The following WWOX variants were observed in gnomAD, a reference collection of about 807,000 sequenced individuals.
WWOX encodes WW domain-containing oxidoreductase.
Under a neutral mutation model 46.2 loss-of-function variants are expected in WWOX, and 69 were observed. That is an observed-to-expected ratio of 1.49 (90% CI 1.23 to 1.82). The LOEUF is 1.82. WWOX is among the 40% of genes most tolerant of loss of function. WWOX has a pLI of 0.00. For missense variants in WWOX, 919 were observed against 542.6 expected, an observed-to-expected ratio of 1.69 and a Z score of -6.89; for synonymous variants, 359 against 202.6, an observed-to-expected ratio of 1.77 and a Z score of -6.56.
chr16:78,396,338 T>G (rs565508556), intron 6 of WWOX, among the ~76,000 whole-genome samples: 180 of 152,270 alleles, frequency 1.2e-3, no homozygotes, highest in African/African-American at 4.2e-3. Flanking sequence ...TTTGCCATAT[T>G]AAAAGTCATC....
intron 8 of WWOX, among the ~76,000 whole-genome samples, chr16:78,929,418 T>G (rs1018299620): frequency 6.6e-6 from 1 of 152,032 alleles, no homozygotes; most frequent in African/African-American, 2.4e-5. Context: ...TACTAAAGAA[T>G]AGGAAAGAAG....
At chr16:79,107,712 C>T (rs2150647460) in intron 8 of WWOX, among the ~76,000 whole-genome samples, 1 of 152,344 alleles carries the variant, frequency 6.6e-6, no homozygotes, top group Non-Finnish European at 1.5e-5. Context: ...AAAATGTTCA[C>T]ATCCTTCCCC....
intron 8 of WWOX, among the ~76,000 whole-genome samples, chr16:78,497,878 C>T (rs1420994209): frequency 6.6e-6 from 1 of 151,268 alleles, no homozygotes; most frequent in Non-Finnish European, 1.5e-5. Flanking sequence ...TAAAAAAGCC[C>T]ACATTTTAAA....
At chr16:78,907,505 G>T (rs898239145) in intron 8 of WWOX, among the ~76,000 whole-genome samples, 1 of 152,054 alleles carries the variant, frequency 6.6e-6, no homozygotes, top group East Asian at 1.9e-4. Flanking sequence ...TTGGGGGTAG[G>T]GCCATTATCA....
At chr16:78,154,418 T>G (rs1597278407) in intron 4 of WWOX, among the ~76,000 whole-genome samples, 2 of 151,760 alleles carry the variant, frequency 1.3e-5, no homozygotes, top group Admixed American at 6.6e-5. Flanking sequence ...TTCGCTTGCT[T>G]CATGGAGCTT....
rs2081128763 is a variant in WWOX at position 78,348,370 on chromosome 16, G to A, written c.517-38490G>A. 2.5e-5 allele frequency among the ~76,000 whole-genome samples: 3 copies of A among 121,498 alleles called. 1 individual carries two copies. Among genetic ancestry groups the A allele is most frequent in the African/African-American group, 8.4e-5 (3 of 35,858 alleles). 79.7% of individuals were successfully genotyped at this position (121,498 alleles called of 152,430 possible). On this transcript the variant is annotated intron_variant, in intron 5 of 8. Coordinates refer to ENST00000566780, the MANE Select transcript of WWOX (RefSeq NM_016373.4). ...GAACCATCCCAGCAGATAGCTTGAG[G>A]GTGGGAAGGGGGATAGGTTGTTGAT...
At chr16:78,703,298 C>A (rs984934391) in intron 8 of WWOX, among the ~76,000 whole-genome samples, 1 of 152,166 alleles carries the variant, frequency 6.6e-6, no homozygotes, top group South Asian at 2.1e-4. Context: ...TCTCTCCCAT[C>A]TTTCCTGTGA....
At chr16:78,867,533 T>G (rs1039815329) in intron 8 of WWOX, among the ~76,000 whole-genome samples, 14 of 151,486 alleles carry the variant, frequency 9.2e-5, no homozygotes, top group South Asian at 8.4e-4. Context: ...TTTTGTTTTT[T>G]TGTGTGTGTG....
chr16:78,506,191 C>G (rs1486343851), intron 8 of WWOX, among the ~76,000 whole-genome samples: 1 of 152,178 alleles, frequency 6.6e-6, no homozygotes, highest in Non-Finnish European at 1.5e-5. Context: ...GGAGGCAGCC[C>G]TCCAAACATA....
At chr16:79,206,885 C>A (rs897173588) in intron 8 of WWOX, 7 of 152,208 alleles carry the variant, frequency 4.6e-5, no homozygotes, top group African/African-American at 1.7e-4. Context: ...AATGTGTCCC[C>A]TAAAAGATTG....
At chr16:78,209,032 G>T (rs752500509) in intron 5 of WWOX, among the ~76,000 whole-genome samples, 51 of 152,214 alleles carry the variant, frequency 3.4e-4, no homozygotes, top group Non-Finnish European at 6.8e-4. Flanking sequence ...GGGAATGCTT[G>T]TATTTGAATG....
intron 8 of WWOX, among the ~76,000 whole-genome samples, chr16:78,606,120 A>G (rs1431600252): frequency 6.6e-6 from 1 of 152,234 alleles, no homozygotes; most frequent in Non-Finnish European, 1.5e-5. Context: ...TCAAACTACT[A>G]GTCCACAACC....
intron 8 of WWOX, among the ~76,000 whole-genome samples, chr16:79,161,745 G>T (rs986231952): frequency 6.6e-6 from 1 of 152,102 alleles, no homozygotes; most frequent in South Asian, 2.1e-4. Flanking sequence ...TCTCAAACTC[G>T]TGACCTCAAG....
intron 5 of WWOX, among the ~76,000 whole-genome samples, chr16:78,251,253 G>A (rs554018326): frequency 3.9e-5 from 6 of 152,144 alleles, no homozygotes; most frequent in East Asian, 3.9e-4. Flanking sequence ...TTCAAAGGTC[G>A]TATTTCATGG....
At chr16:78,782,160 G>A (rs917756796) in intron 8 of WWOX, among the ~76,000 whole-genome samples, 4 of 151,976 alleles carry the variant, frequency 2.6e-5, no homozygotes, top group East Asian at 1.9e-4. Flanking sequence ...CAGCCTTCTC[G>A]CCTTGCCATC....
chr16:79,064,258 C>G (rs1326462727), intron 8 of WWOX, among the ~76,000 whole-genome samples: 1 of 152,236 alleles, frequency 6.6e-6, no homozygotes, highest in South Asian at 2.1e-4. Context: ...AAAATACAAA[C>G]CCATCCTTAG....
At chr16:78,972,246 T>C (rs995046233) in intron 8 of WWOX, among the ~76,000 whole-genome samples, 2 of 152,124 alleles carry the variant, frequency 1.3e-5, no homozygotes, top group African/African-American at 4.8e-5. Flanking sequence ...TTTAAATTCA[T>C]GTAATGTTGC....
chr16:78,232,991 G>A (rs996215738), intron 5 of WWOX, among the ~76,000 whole-genome samples: 30 of 152,066 alleles, frequency 2.0e-4, no homozygotes, highest in Admixed American at 5.2e-4. Flanking sequence ...ACAGGCGTGC[G>A]CCACCATGCC....
chr16:78,922,841 C>T (rs947429274), intron 8 of WWOX, among the ~76,000 whole-genome samples: 1 of 152,108 alleles, frequency 6.6e-6, no homozygotes, highest in South Asian at 2.1e-4. Flanking sequence ...GGCACCATTG[C>T]TAAGTAATGT....
Sources: allele counts gnomAD v4.1 joint callset (sites outside exome capture counted in the v4.1 genomes callset), GRCh38; gene constraint gnomAD v4.1.1; transcripts MANE v1.5; gene names NCBI Gene and HGNC (gene_info 2026-07-23, HGNC 2026-07-21).